Variants in RELN observed in about 807,000 individuals in gnomAD.
RELN encodes reelin.
In RELN, 108 loss-of-function variants were observed where a neutral mutation model predicts 427.6. That is an observed-to-expected ratio of 0.25 (90% confidence interval 0.22 to 0.30). RELN has a LOEUF of 0.30. Ranked by LOEUF, RELN falls within the 10% of genes least tolerant of loss-of-function variation. The probability of loss-of-function intolerance (pLI) is 1.00; values close to 1 mark genes in which losing one functional copy is unlikely to be tolerated. For synonymous variants in RELN, 1,524 were observed against 1,513.4 expected (o/e 1.01, Z -0.16); for missense variants, 3,715 against 4,302.8 (o/e 0.86, Z 3.82).
intron 8 of RELN, among the ~76,000 whole-genome samples, chr7:103,715,976 CG>C (rs1371135491): frequency 6.6e-6 from 1 of 152,176 alleles, no homozygotes; most frequent in Non-Finnish European, 1.5e-5. Context: ...ATCCCCATCC[CG>C]GGCAGCAAGT....
chr7:103,780,736 C>T lies in RELN; in HGVS notation c.474-4109G>A, dbSNP rs571764307. Among the ~76,000 whole-genome samples, 3 of 152,130 alleles carry T rather than the reference C, an allele frequency of 2.0e-5. No individual in the cohort carries two copies. The South Asian group carries it at 6.2e-4, about 32-fold the overall frequency. ...TCCCTATGAAGGACCTGATCTCATTCTTTTTTTATGGCTGCGTAGTATTCC... is the reference window on the plus strand; with the variant it reads ...TCCCTATGAAGGACCTGATCTCATTTTTTTTTTATGGCTGCGTAGTATTCC... On this transcript the variant is annotated intron_variant, in intron 3 of 64. Transcript: ENST00000428762.
intron 22 of RELN, among the ~76,000 whole-genome samples, chr7:103,609,217 T>C (rs1414097411): frequency 3.5e-5 from 3 of 84,698 alleles, no homozygotes; most frequent in Admixed American, 2.2e-4. Flanking sequence ...AGCAAGACTC[T>C]GTCTCAAAAA....
intron 1 of RELN, among the ~76,000 whole-genome samples, chr7:103,939,869 G>C (rs1796072726): frequency 1.3e-5 from 2 of 152,116 alleles, no homozygotes; most frequent in South Asian, 4.1e-4. Flanking sequence ...ATGTTAAGTG[G>C]AAAAAGTAGG....
chr7:103,819,938 G>A (rs1279396170), intron 3 of RELN, among the ~76,000 whole-genome samples: 2 of 151,620 alleles, frequency 1.3e-5, no homozygotes, highest in African/African-American at 2.4e-5. Flanking sequence ...TAATATCCAA[G>A]ATCTTTAAAC....
intron 3 of RELN, among the ~76,000 whole-genome samples, chr7:103,819,876 TC>T (rs1728264495): frequency 6.6e-6 from 1 of 152,008 alleles, no homozygotes; most frequent in Non-Finnish European, 1.5e-5. Flanking sequence ...GCTCTCGGTT[TC>T]TTTTAATAAG....
Position 103,640,746 on chromosome 7 carries a change from G to A in RELN, c.2003-137C>T. 1.2e-6 allele frequency: 1 copy of A among 800,748 alleles called. No individual in the cohort carries two copies. Among genetic ancestry groups the A allele is most frequent in the Non-Finnish European group, 2.1e-6 (1 of 474,984 alleles). The allele number at this position is 800,748 out of a possible 1,614,324, so 49.6% of individuals were successfully genotyped here. ...AACCCAGGGTGACATATGGAATGCT[G>A]TGTAATAAGGTAAGTGCTTAGTTAC... On this transcript the variant is annotated intron_variant, in intron 16 of 64. Transcript: ENST00000428762. This position sits in a 1 kb window ranked among gnomAD's most constrained non-coding sequence, Gnocchi z 4.1.
At chr7:103,525,874 C>A (rs1015895806) in intron 46 of RELN, among the ~76,000 whole-genome samples, 3 of 152,092 alleles carry the variant, frequency 2.0e-5, no homozygotes, top group African/African-American at 7.2e-5. Context: ...ATTAAAAGTG[C>A]CTATTCATAT....
At chr7:103,858,434 A>G (rs183510103) in intron 2 of RELN, among the ~76,000 whole-genome samples, 1 of 152,310 alleles carries the variant, frequency 6.6e-6, no homozygotes, top group Admixed American at 6.5e-5. Flanking sequence ...ATTAACAAAT[A>G]TAATATTATA....
chr7:103,528,470 C>T (rs1047550273), intron 46 of RELN, among the ~76,000 whole-genome samples: 3 of 133,884 alleles, frequency 2.2e-5, no homozygotes, highest in African/African-American at 7.7e-5. Flanking sequence ...GTGATGGTTT[C>T]AACAACCCTG....
intron 10 of RELN, among the ~76,000 whole-genome samples, chr7:103,696,370 T>C (rs949442166): frequency 3.3e-5 from 5 of 152,084 alleles, no homozygotes; most frequent in African/African-American, 9.7e-5. Flanking sequence ...AGGCTAATGA[T>C]TGCCAAATTT....
intron 1 of RELN, among the ~76,000 whole-genome samples, chr7:103,978,652 T>C (rs1796929986): frequency 6.6e-6 from 1 of 152,204 alleles, no homozygotes; most frequent in African/African-American, 2.4e-5. Context: ...ATCTGATCTC[T>C]AGAGCATTTG....
At chr7:103,741,976 G>C (rs1366061992) in intron 6 of RELN, among the ~76,000 whole-genome samples, 1 of 152,070 alleles carries the variant, frequency 6.6e-6, no homozygotes, top group Non-Finnish European at 1.5e-5. Context: ...TCCTCAAGTG[G>C]GTCCCTCACC....
chr7:103,485,801 A>T (rs1157027723), intron 61 of RELN, among the ~76,000 whole-genome samples: 2 of 152,216 alleles, frequency 1.3e-5, no homozygotes, highest in African/African-American at 2.4e-5. Flanking sequence ...TACTTACATA[A>T]GCTAAATATA....
At chr7:103,619,230 T>C (rs1315717142) in intron 20 of RELN, among the ~76,000 whole-genome samples, 7 of 152,128 alleles carry the variant, frequency 4.6e-5, no homozygotes, top group South Asian at 2.1e-4. Flanking sequence ...GGAGATAGAA[T>C]TGGGGGGAAT....
At chr7:103,760,887 C>G (rs936350880) in intron 4 of RELN, among the ~76,000 whole-genome samples, 1 of 115,114 alleles carries the variant, frequency 8.7e-6, no homozygotes, top group Admixed American at 8.5e-5. Flanking sequence ...CTTTCATCTC[C>G]CCAGGAATAA....
chr7:103,643,314 C>G (rs1170865621), intron 16 of RELN, among the ~76,000 whole-genome samples: 1 of 152,010 alleles, frequency 6.6e-6, no homozygotes, highest in African/African-American at 2.4e-5. Flanking sequence ...AGCCTTCAGC[C>G]AACTTATATG....
intron 8 of RELN, among the ~76,000 whole-genome samples, chr7:103,706,722 A>G (rs995956939): frequency 6.6e-6 from 1 of 151,922 alleles, no homozygotes; most frequent in Non-Finnish European, 1.5e-5. Context: ...GCTTCTACTC[A>G]GGCTCATGAC....
chr7:103,945,805 T>A (rs144736984), intron 1 of RELN, among the ~76,000 whole-genome samples: 240 of 152,312 alleles, frequency 1.6e-3, no homozygotes, highest in African/African-American at 5.4e-3. Context: ...CATTCAGGTA[T>A]CTTTAGATAC....
chr7:103,966,249 CAG>C (rs1269255207), intron 1 of RELN, among the ~76,000 whole-genome samples: 1 of 115,400 alleles, frequency 8.7e-6, no homozygotes, highest in Admixed American at 8.4e-5. Context: ...CGCAGGTGGC[CAG>C]AGTGTCTCCC....
Sources: allele counts gnomAD v4.1 joint callset (sites outside exome capture counted in the v4.1 genomes callset), GRCh38; gene constraint gnomAD v4.1.1; non-coding constraint Gnocchi (gnomAD v3.1); transcripts MANE v1.5; gene names NCBI Gene and HGNC (gene_info 2026-07-23, HGNC 2026-07-21).